The following DRAM1 variants were observed in gnomAD, a reference collection of about 807,000 sequenced individuals.
DRAM1 encodes DNA damage regulated autophagy modulator 1, also known as DNA damage-regulated autophagy modulator protein 1.
A neutral mutation model predicts 28.5 loss-of-function variants in DRAM1; 25 were observed. That is an observed-to-expected ratio of 0.88 (90% CI 0.64 to 1.23). The LOEUF (loss-of-function observed/expected upper bound fraction) is 1.23. Among genes scored for constraint, DRAM1 ranks in the 50% most tolerant of loss-of-function variants. The pLI is 0.00. For missense variants in DRAM1, 249 were observed against 299.2 expected (o/e 0.83, Z 1.24); for synonymous variants, 113 against 114.2 (o/e 0.99, Z 0.07).
rs1397435723 is a variant in DRAM1 at position 101,880,238 on chromosome 12, A to G, written c.131+2318A>G. Among the ~76,000 whole-genome samples the G allele has an allele frequency of 3.3e-5, 3 of 91,858 alleles. 1 individual carries two copies. The South Asian group carries it at 9.5e-4, about 29-fold the overall frequency. 60.3% of individuals were successfully genotyped at this position (91,858 alleles called of 152,430 possible). A position where few individuals can be genotyped will look rare whatever the true frequency, so the allele number is the denominator to read the frequency against. Reference sequence around the variant, plus strand: ...CAGCTAATTTTTAATTTTTTTTTGTATTTGTAGAGATGGCATCTTGCTGTG... The same window carrying G: ...CAGCTAATTTTTAATTTTTTTTTGTGTTTGTAGAGATGGCATCTTGCTGTG... On this transcript the variant is annotated intron_variant, in intron 1 of 6. Coordinates refer to ENST00000258534, the MANE Select transcript of DRAM1 (RefSeq NM_018370.3).
chr12:101,918,962 C>T (rs191068000), intron 5 of DRAM1, among the ~76,000 whole-genome samples: 3 of 151,956 alleles, frequency 2.0e-5, no homozygotes, highest in East Asian at 1.9e-4. Context: ...TGCTCTGTCA[C>T]CCAGGTTGGA....
intron 1 of DRAM1, among the ~76,000 whole-genome samples, chr12:101,879,776 A>G (rs1423178104): frequency 6.6e-6 from 1 of 152,086 alleles, no homozygotes; most frequent in African/African-American, 2.4e-5. Flanking sequence ...CTGGCGGATC[A>G]TGAGGTCAAG....
At position 101,895,302 on chromosome 12, in the gene DRAM1, C is replaced by T. The variant is rs890992832; in HGVS notation, c.132-2561C>T. On this transcript the variant is annotated intron_variant, in intron 1 of 6. Transcript: ENST00000258534. ...AAGTGATTCTCCTGCCTCAGTCTCCCGAGTAGCTTGGATTACAGGCACGCT... is the reference window on the plus strand; with the variant it reads ...AAGTGATTCTCCTGCCTCAGTCTCCTGAGTAGCTTGGATTACAGGCACGCT... 4.1e-5 allele frequency among the ~76,000 whole-genome samples: 6 copies of T among 146,104 alleles called. 1 individual carries two copies. Among genetic ancestry groups the T allele is most frequent in the East Asian group, 4.1e-4 (2 of 4,846 alleles).
rs568429087 is a variant in DRAM1 at position 101,922,823 on chromosome 12, T to G, written c.*1563T>G. ...GAAAACATTAAGAATGCTGGCTGGC[T>G]GTGGTGGCTCACACCTGTATTCCCA... On this transcript the variant is annotated 3_prime_UTR_variant, in exon 7 of 7. Coordinates refer to ENST00000258534, the MANE Select transcript of DRAM1 (RefSeq NM_018370.3). The G allele has an allele frequency of 6.6e-6, 1 of 152,162 alleles. No homozygotes were observed. Among genetic ancestry groups the G allele is most frequent in the African/African-American group, 2.4e-5 (1 of 41,446 alleles). 9.4% of individuals were successfully genotyped at this position (152,162 alleles called of 1,614,324 possible). A position where few individuals can be genotyped will look rare whatever the true frequency, so the allele number is the denominator to read the frequency against.
chr12:101,907,928 C>A (rs1367077564), intron 3 of DRAM1, among the ~76,000 whole-genome samples: 37 of 152,058 alleles, frequency 2.4e-4, no homozygotes, highest in Non-Finnish European at 1.5e-5. Context: ...TGAAGCCCAC[C>A]ATACTCAACC....
intron 6 of DRAM1, 97 bp downstream of exon 6, chr12:101,920,298 T>A: frequency 6.4e-4 from 47 of 73,674 alleles, no homozygotes; most frequent in Middle Eastern, 4.8e-3. Context: ...GAGCACTTTC[T>A]TTTTTTTTTT....
At chr12:101,914,082 T>C in intron 4 of DRAM1, 92 bp from the exon 5 acceptor site, 2 of 737,798 alleles carry the variant, frequency 2.7e-6, no homozygotes, top group Non-Finnish European at 4.1e-6. Flanking sequence ...TTTAACACCT[T>C]ATAATGATTA....
At position 101,877,680 on chromosome 12, in the gene DRAM1, T is replaced by G. The variant is rs1461230428; in HGVS notation, c.-110T>G. On this transcript the variant is annotated 5_prime_UTR_variant, in exon 1 of 7. Transcript: ENST00000258534. The surrounding 1 kb of genome is among the most constrained non-coding windows in gnomAD (Gnocchi z 4.1). ...GCCCCGGCCGTCGCGGAGCCTCCCCTCCCACCGTCCGTGAGTGTACGCGCC... is the reference window on the plus strand; with the variant it reads ...GCCCCGGCCGTCGCGGAGCCTCCCCGCCCACCGTCCGTGAGTGTACGCGCC... 1.2e-6 allele frequency: 1 copy of G among 816,340 alleles called. No homozygotes were observed. The highest frequency in any genetic ancestry group is 4.6e-5 in the Admixed American group (1 of 21,598). 50.6% of individuals were successfully genotyped at this position (816,340 alleles called of 1,614,324 possible).
chr12:101,906,888 AG>A (rs1873835658), intron 3 of DRAM1, among the ~76,000 whole-genome samples: 2 of 134,036 alleles, frequency 1.5e-5, no homozygotes, highest in African/African-American at 7.1e-5. Flanking sequence ...AGAAAAGAAA[AG>A]AAGGGAGCCA....
chr12:101,898,166 G>A (rs920941384), intron 2 of DRAM1, among the ~76,000 whole-genome samples: 5 of 151,942 alleles, frequency 3.3e-5, no homozygotes, highest in Non-Finnish European at 7.4e-5. Context: ...TACTACAGGT[G>A]CACACCACCA....
At chr12:101,895,879 G>A (rs558861984) in intron 1 of DRAM1, among the ~76,000 whole-genome samples, 2 of 150,896 alleles carry the variant, frequency 1.3e-5, no homozygotes, top group Non-Finnish European at 3.0e-5. Context: ...CGTAAGGGAG[G>A]CTATTAACTT....
intron 5 of DRAM1, among the ~76,000 whole-genome samples, chr12:101,915,544 G>GA (rs111369794): frequency 0.064 from 6,905 of 108,192 alleles, 538 homozygotes; most frequent in African/African-American, 0.25. Flanking sequence ...AGACTTTGAA[G>GA]ACTTTTTTTT....
Position 101,908,272 on chromosome 12 carries a change from C to A in DRAM1, c.429C>A (p.Ile143=), listed in dbSNP as rs1289388954. 1.2e-6 allele frequency: 2 copies of A among 1,614,082 alleles called. No homozygotes were observed. The highest frequency in any genetic ancestry group is 1.3e-5 in the African/African-American group (1 of 74,928). ...GVVYTLLQSI[I]SYKSCPQWNS... ...TGTACACGCTCCTACAGTCCATCATCTCTTACAAATCATGTCCCCAGTGGA... is the reference window on the plus strand; with the variant it reads ...TGTACACGCTCCTACAGTCCATCATATCTTACAAATCATGTCCCCAGTGGA... The change falls in exon 4 of 7, where the codon ATC becomes ATA. Residue 143 remains isoleucine (I), a synonymous_variant. Coordinates refer to ENST00000258534, the MANE Select transcript of DRAM1 (RefSeq NM_018370.3).
intron 4 of DRAM1, 81 bp from the exon 5 acceptor site, chr12:101,914,093 T>C: frequency 1.2e-6 from 1 of 830,398 alleles, no homozygotes; most frequent in Non-Finnish European, 1.8e-6. Flanking sequence ...ATAATGATTA[T>C]GTTATTAGGA....
rs2121099487 is a variant in DRAM1 at position 101,901,316 on chromosome 12, C to T, written c.225C>T (p.Tyr75=). The part of the protein sequence containing the change: ...FLGAATMYTR[Y]KIVQKQNQTC... The stretch of plus-strand genomic sequence containing the variant: ...GTGCAGCCACGATGTATACAAGATA[C>T]AAAATAGTACAGAAGCAAAATCAAA... The change falls in exon 3 of 7, where the codon TAC becomes TAT. Residue 75 remains tyrosine (Y), a synonymous_variant. Transcript: ENST00000258534. 1.2e-6 allele frequency: 2 copies of T among 1,614,056 alleles called. No homozygotes were observed. Among genetic ancestry groups the T allele is most frequent in the Non-Finnish European group, 1.7e-6 (2 of 1,179,990 alleles).
intron 6 of DRAM1, 93 bp downstream of exon 6, chr12:101,920,294 T>TTTA: frequency 8.1e-6 from 3 of 372,608 alleles, no homozygotes; most frequent in Non-Finnish European, 7.7e-6. Flanking sequence ...AAAAGAGCAC[T>TTTA]TTCTTTTTTT....
chr12:101,904,238 C>T (rs1873710465), intron 3 of DRAM1, among the ~76,000 whole-genome samples: 1 of 151,910 alleles, frequency 6.6e-6, no homozygotes, highest in African/African-American at 2.4e-5. Context: ...GTGATCCTCC[C>T]ACCTCGGCCT....
chr12:101,890,619 A>G (rs201763293), intron 1 of DRAM1, among the ~76,000 whole-genome samples: 1 of 143,582 alleles, frequency 7.0e-6, no homozygotes, highest in East Asian at 2.1e-4. Context: ...ACAAGAGGGA[A>G]CTCTGATGGA....
At position 101,922,541 on chromosome 12, in the gene DRAM1, CTA is replaced by C. The variant is rs1874523110; in HGVS notation, c.*1283_*1284del. 6.6e-6 allele frequency: 1 copy of C among 152,126 alleles called. No individual in the cohort carries two copies. The highest frequency in any genetic ancestry group is 2.4e-5 in the African/African-American group (1 of 41,394). The allele number at this position is 152,126 out of a possible 1,614,324, so 9.4% of individuals were successfully genotyped here. ...GGAGTTCGGGGTAGCTCCTCATTAA[CTA>C]TTTGTTGGGTGAGTAAAGGGGTGAG... On this transcript the variant is annotated 3_prime_UTR_variant, in exon 7 of 7. Transcript: ENST00000258534.
Sources: allele counts gnomAD v4.1 joint callset (sites outside exome capture counted in the v4.1 genomes callset), GRCh38; gene constraint gnomAD v4.1.1; non-coding constraint Gnocchi (gnomAD v3.1); transcripts MANE v1.5; gene names NCBI Gene and HGNC (gene_info 2026-07-23, HGNC 2026-07-21).